RALYL: variants seen among roughly 807,000 people sequenced by gnomAD.
The protein encoded by RALYL is RALY RNA binding protein like.
A neutral mutation model predicts 35.1 loss-of-function variants in RALYL; 29 were observed. The observed-to-expected ratio is 0.83, with a 90% CI of 0.61 to 1.13. RALYL has a LOEUF of 1.13. RALYL is among the 50% of genes most tolerant of loss of function. The pLI, the probability that RALYL is intolerant of heterozygous loss-of-function variation, is 0.00. For synonymous variants in RALYL, 120 were observed against 127.6 expected, an observed-to-expected ratio of 0.94 and a Z score of 0.40; for missense variants, 359 against 360.4, an observed-to-expected ratio of 1.00 and a Z score of 0.03.
intron 1 of RALYL, among the ~76,000 whole-genome samples, chr8:84,410,796 A>T (rs1256581838): frequency 6.6e-6 from 1 of 151,672 alleles, no homozygotes; most frequent in Non-Finnish European, 1.5e-5. Context: ...GTTAAGGAAA[A>T]TATTACCCCA....
chr8:84,642,851 C>T (rs1217509841), intron 2 of RALYL, among the ~76,000 whole-genome samples: 2 of 145,958 alleles, frequency 1.4e-5, no homozygotes, highest in East Asian at 3.9e-4. Context: ...GGGTCAGTAC[C>T]CCCCACCATC....
chr8:84,274,285 G>A (rs1834911603), intron 1 of RALYL, among the ~76,000 whole-genome samples: 1 of 152,112 alleles, frequency 6.6e-6, no homozygotes, highest in Non-Finnish European at 1.5e-5. Flanking sequence ...TGTTTCTAAT[G>A]TATTTGATTT....
intron 2 of RALYL, among the ~76,000 whole-genome samples, chr8:84,642,646 T>C (rs11988419): frequency 0.089 from 13,527 of 152,118 alleles, 1,532 homozygotes; most frequent in African/African-American, 0.27. Context: ...TGTAACCAGC[T>C]GGAGTCTTAA....
At chr8:84,540,302 T>C (rs1344482416) in intron 2 of RALYL, among the ~76,000 whole-genome samples, 1 of 151,494 alleles carries the variant, frequency 6.6e-6, no homozygotes, top group Non-Finnish European at 1.5e-5. Flanking sequence ...TATTATTGTT[T>C]ATCATAGGAT....
intron 1 of RALYL, among the ~76,000 whole-genome samples, chr8:84,296,494 C>T (rs1355288763): frequency 1.3e-5 from 2 of 151,910 alleles, no homozygotes; most frequent in African/African-American, 2.4e-5. Context: ...TGAAAATGCC[C>T]CAGGCTCCTT....
chr8:84,591,983 A>G lies in RALYL; in HGVS notation c.256+62406A>G, dbSNP rs886186637. On this transcript the variant is annotated intron_variant, in intron 2 of 8. Transcript: ENST00000521268. ...ATAGCTCTTTTCTTTTTGTTGTTCA[A>G]TGTGAATTTTGTACTATAGCTCTTT... Among the ~76,000 whole-genome samples the G allele has an allele frequency of 3.9e-5, 6 of 152,068 alleles. No homozygotes were observed. In the East Asian group the frequency reaches 9.6e-4, roughly 24 times the overall value.
At chr8:84,593,765 A>G (rs1436719199) in intron 2 of RALYL, among the ~76,000 whole-genome samples, 1 of 151,890 alleles carries the variant, frequency 6.6e-6, no homozygotes, top group Non-Finnish European at 1.5e-5. Flanking sequence ...ACCTAAAGGA[A>G]CTCTGCATAT....
At chr8:84,808,336 G>T (rs1235288737) in intron 4 of RALYL, among the ~76,000 whole-genome samples, 1 of 152,076 alleles carries the variant, frequency 6.6e-6, no homozygotes. Context: ...TTATTTCTGG[G>T]TTCTCTTCTC....
At chr8:84,602,272 T>G (rs1277400871) in intron 2 of RALYL, among the ~76,000 whole-genome samples, 2 of 152,200 alleles carry the variant, frequency 1.3e-5, no homozygotes, top group African/African-American at 4.8e-5. Context: ...TTCTAATCTA[T>G]TCACTTGCCC....
At chr8:84,455,960 C>T (rs1458269739) in intron 1 of RALYL, among the ~76,000 whole-genome samples, 1 of 151,928 alleles carries the variant, frequency 6.6e-6, no homozygotes, top group African/African-American at 2.4e-5. Context: ...TGCTTAGTAC[C>T]CCAACCTCAA....
chr8:84,214,190 A>C lies in RALYL; in HGVS notation c.-24+29766A>C, dbSNP rs16912542. ...GGTTGTTACCTTGGGTGGAAAAGAT[A>C]AGACAAGGTAATTAGGCAGCTTGTA... is the stretch of plus-strand genomic sequence containing the variant. On this transcript the variant is annotated intron_variant, in intron 1 of 8. Transcript: ENST00000521268. Among the ~76,000 whole-genome samples the C allele has an allele frequency of 8.7e-3, 1,325 of 152,250 alleles. 23 individuals carry two copies. Among genetic ancestry groups the C allele is most frequent in the African/African-American group, 0.028 (1,157 of 41,558 alleles).
intron 2 of RALYL, among the ~76,000 whole-genome samples, chr8:84,593,589 G>T (rs1304673920): frequency 6.6e-6 from 1 of 152,078 alleles, no homozygotes; most frequent in Non-Finnish European, 1.5e-5. Flanking sequence ...CAGAGTAGAA[G>T]ACTTTATGAA....
At chr8:84,816,663 A>C (rs1278381281) in intron 4 of RALYL, among the ~76,000 whole-genome samples, 1 of 152,186 alleles carries the variant, frequency 6.6e-6, no homozygotes, top group Non-Finnish European at 1.5e-5. Context: ...TGGATACAAA[A>C]AAAATTAGAA....
intron 1 of RALYL, among the ~76,000 whole-genome samples, chr8:84,431,580 C>A (rs1436314180): frequency 6.6e-6 from 1 of 152,168 alleles, no homozygotes; most frequent in Non-Finnish European, 1.5e-5. Flanking sequence ...ACCTTTGTAA[C>A]CACTATTCTG....
chr8:84,429,992 G>C (rs1046548983), intron 1 of RALYL, among the ~76,000 whole-genome samples: 2 of 150,564 alleles, frequency 1.3e-5, no homozygotes, highest in African/African-American at 4.9e-5. Flanking sequence ...ATAGGAAATA[G>C]ACTTCTAGGA....
chr8:84,293,923 G>A (rs1185762501), intron 1 of RALYL, among the ~76,000 whole-genome samples: 1 of 151,666 alleles, frequency 6.6e-6, no homozygotes, highest in African/African-American at 2.4e-5. Context: ...TTTTCTTCTT[G>A]CAGCAGTCCT....
chr8:84,364,203 A>T (rs927792826), intron 1 of RALYL, among the ~76,000 whole-genome samples: 1 of 152,210 alleles, frequency 6.6e-6, no homozygotes, highest in African/African-American at 2.4e-5. Context: ...GGCATCAACC[A>T]TCGCTTCTGA....
At chr8:84,641,947 G>C (rs934206173) in intron 2 of RALYL, among the ~76,000 whole-genome samples, 2 of 151,576 alleles carry the variant, frequency 1.3e-5, no homozygotes, top group Non-Finnish European at 2.9e-5. Flanking sequence ...GCTTCCAAAG[G>C]CATTTTTTAA....
At chr8:84,196,121 A>G (rs566225675) in intron 1 of RALYL, among the ~76,000 whole-genome samples, 4 of 152,218 alleles carry the variant, frequency 2.6e-5, no homozygotes, top group Non-Finnish European at 5.9e-5. Context: ...GATAATTTAA[A>G]GTAGATTAGT....
Sources: gnomAD v4.1 joint callset for allele counts (sites outside exome capture counted in the v4.1 genomes callset) on GRCh38, gnomAD v4.1.1 for gene constraint, MANE v1.5 for transcripts, NCBI Gene and HGNC (gene_info 2026-07-23, HGNC 2026-07-21) for gene names.